ITCH: variants seen among roughly 807,000 people sequenced by gnomAD.
ITCH encodes the protein itchy E3 ubiquitin protein ligase.
Under a neutral mutation model 126.8 loss-of-function variants are expected in ITCH, and 28 were observed. The ratio of observed to expected loss-of-function variants is 0.22; its 90% CI spans 0.16 to 0.30. The LOEUF is 0.30. Ranked by LOEUF, ITCH falls within the 10% of genes least tolerant of loss-of-function variation. The pLI, the probability that ITCH is intolerant of heterozygous loss-of-function variation, is 1.00. For synonymous variants in ITCH, 342 were observed against 340.0 expected (o/e 1.01, Z -0.06); for missense variants, 631 against 1,032.4 (o/e 0.61, Z 5.33).
At chr20:34,426,494 G>A (rs984743504) in intron 7 of ITCH, among the ~76,000 whole-genome samples, 1 of 151,800 alleles carries the variant, frequency 6.6e-6, no homozygotes, top group African/African-American at 2.4e-5. Context: ...CACCCAGGCT[G>A]AAGTGCAGTG....
chr20:34,455,246 T>TTCAGTTCATTCTATGATCTTTAATACA (rs1423591229), intron 12 of ITCH, among the ~76,000 whole-genome samples: 9 of 152,212 alleles, frequency 5.9e-5, no homozygotes, highest in African/African-American at 1.4e-4. Context: ...TTTAAAAAGT[T>TTCAGTTCATTCTATGATCTTTAATACA]TCAGTTCATT....
At chr20:34,413,457 A>G (rs1979339351) in intron 5 of ITCH, among the ~76,000 whole-genome samples, 1 of 152,080 alleles carries the variant, frequency 6.6e-6, no homozygotes, top group Admixed American at 6.6e-5. Context: ...ATGCTAGCCC[A>G]TTTTATACTA....
chr20:34,473,491 G>A (rs896916227), intron 16 of ITCH, among the ~76,000 whole-genome samples: 2 of 152,208 alleles, frequency 1.3e-5, no homozygotes, highest in African/African-American at 4.8e-5. Context: ...GGGGCTGTGC[G>A]ACCTGTCAGC....
At chr20:34,460,443 C>T (rs1349036206) in intron 13 of ITCH, among the ~76,000 whole-genome samples, 2 of 145,342 alleles carry the variant, frequency 1.4e-5, no homozygotes, top group Non-Finnish European at 3.0e-5. Flanking sequence ...AACTGAAATA[C>T]TTGATTAAAA....
At chr20:34,466,716 A>G (rs1399002938) in intron 14 of ITCH, among the ~76,000 whole-genome samples, 1 of 152,192 alleles carries the variant, frequency 6.6e-6, no homozygotes, top group Non-Finnish European at 1.5e-5. Flanking sequence ...AGAAGTTACA[A>G]GAAAAATCAG....
intron 2 of ITCH, among the ~76,000 whole-genome samples, chr20:34,376,675 A>C (rs1245258431): frequency 6.6e-6 from 1 of 152,048 alleles, no homozygotes; most frequent in Non-Finnish European, 1.5e-5. Context: ...AAAGTTTTGA[A>C]AATTTGAGAA....
At chr20:34,480,578 T>C (rs1271892595) in intron 18 of ITCH, 21 bp from the exon 19 acceptor site, 1 of 1,612,378 alleles carries the variant, frequency 6.2e-7, no homozygotes, top group Admixed American at 1.7e-5. Flanking sequence ...TTTTAAGCGG[T>C]CTTGTTTCCT....
At chr20:34,365,635 T>C (rs544937883) in intron 1 of ITCH, among the ~76,000 whole-genome samples, 1 of 152,318 alleles carries the variant, frequency 6.6e-6, no homozygotes, top group Admixed American at 6.5e-5. Context: ...TAGGCTGCTC[T>C]CGAACTCCTG....
At chr20:34,442,644 T>C (rs1467152446) in intron 10 of ITCH, among the ~76,000 whole-genome samples, 1 of 149,314 alleles carries the variant, frequency 6.7e-6, no homozygotes, top group Non-Finnish European at 1.5e-5. Flanking sequence ...TGAGCTATCA[T>C]GCCTGGCCCT....
intron 6 of ITCH, among the ~76,000 whole-genome samples, chr20:34,421,684 T>C (rs1451002220): frequency 2.6e-5 from 4 of 152,144 alleles, no homozygotes; most frequent in African/African-American, 9.7e-5. Flanking sequence ...ATTTCATAGT[T>C]ATGGCTTCAC....
At chr20:34,451,657 G>A (rs1402079355) in intron 12 of ITCH, among the ~76,000 whole-genome samples, 1 of 152,076 alleles carries the variant, frequency 6.6e-6, no homozygotes, top group Non-Finnish European at 1.5e-5. Context: ...GACATGGATG[G>A]TTTTATTTCT....
chr20:34,483,356 T>C (rs936788644), intron 20 of ITCH, among the ~76,000 whole-genome samples: 5 of 152,208 alleles, frequency 3.3e-5, no homozygotes, highest in Non-Finnish European at 7.3e-5. Flanking sequence ...CTGCTTCCCT[T>C]ACAAAACTGA....
At chr20:34,424,608 T>G (rs1348648216) in intron 7 of ITCH, 83 bp downstream of exon 7, 1 of 1,134,704 alleles carries the variant, frequency 8.8e-7, no homozygotes, top group African/African-American at 1.5e-5. Flanking sequence ...TTCAGGTTCA[T>G]GATATAAGAA....
At chr20:34,478,622 C>T (rs1439736843) in intron 17 of ITCH, among the ~76,000 whole-genome samples, 1 of 152,108 alleles carries the variant, frequency 6.6e-6, no homozygotes, top group Non-Finnish European at 1.5e-5. Flanking sequence ...TTAATATCTA[C>T]ATTTCTAGGA....
intron 24 of ITCH, 63 bp from the exon 25 acceptor site, chr20:34,507,632 C>A: frequency 8.4e-7 from 1 of 1,195,022 alleles, no homozygotes; most frequent in Non-Finnish European, 1.2e-6. Context: ...AAGTAGTATA[C>A]TACACTACTC....
intron 15 of ITCH, 146 bp downstream of exon 15, chr20:34,470,266 A>C: frequency 1.3e-6 from 1 of 760,840 alleles, no homozygotes; most frequent in Admixed American, 1.9e-5. Context: ...TAGAGCAAAT[A>C]AATAGATTTA....
At chr20:34,460,751 G>A (rs1369171442) in intron 13 of ITCH, among the ~76,000 whole-genome samples, 1 of 152,136 alleles carries the variant, frequency 6.6e-6, no homozygotes, top group Non-Finnish European at 1.5e-5. Flanking sequence ...CTTGTGTAGT[G>A]TCTCAACATC....
chr20:34,377,680 A>T (rs1052103106), intron 2 of ITCH, among the ~76,000 whole-genome samples: 6 of 152,072 alleles, frequency 3.9e-5, no homozygotes, highest in African/African-American at 1.4e-4. Flanking sequence ...CCTGGGCAAC[A>T]TGGAGAAACC....
rs369379670 is a variant in ITCH at position 34,500,863 on chromosome 20, TG to T, written c.2417-3467del. On this transcript the variant is annotated intron_variant, in intron 23 of 24. Transcript: ENST00000374864. ...ACCAGAGTGTTATATTAATACTTTTTGTGTATTTTCATGAGAGTGATTATCA... is the reference window on the plus strand; with the variant it reads ...ACCAGAGTGTTATATTAATACTTTTTTGTATTTTCATGAGAGTGATTATCA... Among the ~76,000 whole-genome samples, 431 of 152,326 alleles carry T rather than the reference TG, an allele frequency of 2.8e-3. 2 individuals carry two copies. The highest frequency in any genetic ancestry group is 0.028 in the South Asian group (134 of 4,834).
Sources: allele counts gnomAD v4.1 joint callset (sites outside exome capture counted in the v4.1 genomes callset), GRCh38; gene constraint gnomAD v4.1.1; transcripts MANE v1.5; gene names NCBI Gene and HGNC (gene_info 2026-07-23, HGNC 2026-07-21).